Variants in RBFOX1 observed in about 807,000 individuals in gnomAD.
RBFOX1 encodes the protein RNA binding fox-1 homolog 1, also known as RNA binding protein fox-1 homolog 1.
Under a neutral mutation model 57.7 loss-of-function variants are expected in RBFOX1, and 8 were observed. That is an observed-to-expected ratio of 0.14 (90% CI 0.08 to 0.25). The LOEUF (loss-of-function observed/expected upper bound fraction) is 0.25. Among genes scored for constraint, RBFOX1 ranks in the 10% least tolerant of loss-of-function variants. The pLI is 1.00. For synonymous variants in RBFOX1, 326 were observed against 222.4 expected (o/e 1.47, Z -4.15); for missense variants, 611 against 548.5 (o/e 1.11, Z -1.14).
chr16:7,239,633 T>C (rs2093953546), intron 4 of RBFOX1, among the ~76,000 whole-genome samples: 1 of 152,194 alleles, frequency 6.6e-6, no homozygotes, highest in Non-Finnish European at 1.5e-5. Context: ...GAGGCTTTAT[T>C]GCCCCCTGAT....
intron 4 of RBFOX1, among the ~76,000 whole-genome samples, chr16:7,351,835 A>C (rs1015418377): frequency 6.6e-6 from 1 of 152,058 alleles, no homozygotes; most frequent in African/African-American, 2.4e-5. Context: ...TCTGCCTCTC[A>C]ATCTTCAGGC....
chr16:6,869,685 GAC>G (rs1221879219), intron 3 of RBFOX1, among the ~76,000 whole-genome samples: 2 of 152,252 alleles, frequency 1.3e-5, no homozygotes, highest in African/African-American at 2.4e-5. Context: ...CAAATTCTAG[GAC>G]ACACATTCAT....
At chr16:7,668,913 A>T (rs529547855) in intron 13 of RBFOX1, among the ~76,000 whole-genome samples, 1 of 152,146 alleles carries the variant, frequency 6.6e-6, no homozygotes, top group East Asian at 1.9e-4. Context: ...GAAGCTATAG[A>T]TGTTTTTTGA....
At chr16:6,887,485 T>C (rs1304067002) in intron 3 of RBFOX1, among the ~76,000 whole-genome samples, 1 of 152,176 alleles carries the variant, frequency 6.6e-6, no homozygotes, top group Non-Finnish European at 1.5e-5. Flanking sequence ...TCTGGCTTTT[T>C]CTATCCCTGG....
chr16:7,346,301 A>G (rs115206574), intron 4 of RBFOX1, among the ~76,000 whole-genome samples: 7 of 151,780 alleles, frequency 4.6e-5, no homozygotes, highest in African/African-American at 1.7e-4. Context: ...TGTGTCAGCA[A>G]CGAGACGTCT....
chr16:6,445,383 T>C (rs1339728357), intron 2 of RBFOX1, among the ~76,000 whole-genome samples: 2 of 152,056 alleles, frequency 1.3e-5, no homozygotes, highest in African/African-American at 2.4e-5. Flanking sequence ...ACTATTGCCT[T>C]TATGCATCTA....
At chr16:6,175,667 T>C (rs765246196) in intron 1 of RBFOX1, among the ~76,000 whole-genome samples, 1 of 152,140 alleles carries the variant, frequency 6.6e-6, no homozygotes, top group Non-Finnish European at 1.5e-5. Context: ...GAGTAAAATA[T>C]AGATTTGGAT....
At chr16:7,336,995 C>G (rs1268410751) in intron 4 of RBFOX1, among the ~76,000 whole-genome samples, 1 of 152,166 alleles carries the variant, frequency 6.6e-6, no homozygotes. Flanking sequence ...TTTACATAAT[C>G]AGCATTTCCA....
At chr16:6,160,611 C>G (rs189862024) in intron 1 of RBFOX1, among the ~76,000 whole-genome samples, 2 of 152,170 alleles carry the variant, frequency 1.3e-5, no homozygotes, top group Non-Finnish European at 1.5e-5. Context: ...CACGCATCTT[C>G]TCCTGTCTGT....
In RBFOX1 at chr16:5,806,991, C is replaced by A. The variant is rs574683546; in HGVS notation, c.319-60312C>A. Among the ~76,000 whole-genome samples the A allele has an allele frequency of 2.6e-5, 4 of 152,134 alleles. No individual in the cohort carries two copies. The South Asian group carries it at 6.2e-4, about 24-fold the overall frequency. ...AGTTAGAAAAATGTCTTGCCATGGC[C>A]TGGGGGAGAAGCTAGAGCTACCCCC... On this transcript the variant is annotated intron_variant, in intron 3 of 19. Coordinates refer to the RBFOX1 transcript ENST00000641259.
At chr16:7,109,968 G>T (rs1403207460) in intron 4 of RBFOX1, among the ~76,000 whole-genome samples, 1 of 152,064 alleles carries the variant, frequency 6.6e-6, no homozygotes, top group Non-Finnish European at 1.5e-5. Context: ...GGTTATTAAG[G>T]ACACTGCAGA....
chr16:7,034,542 G>A (rs2043726796), intron 3 of RBFOX1, among the ~76,000 whole-genome samples: 1 of 152,118 alleles, frequency 6.6e-6, no homozygotes, highest in Non-Finnish European at 1.5e-5. Context: ...GGGAAGAGGG[G>A]ATGAGGCTGC....
intron 3 of RBFOX1, among the ~76,000 whole-genome samples, chr16:6,869,738 C>A (rs369345846): frequency 6.6e-6 from 1 of 152,158 alleles, no homozygotes. Flanking sequence ...ACCGTGTTGA[C>A]TGATTGGAAA....
intron 3 of RBFOX1, among the ~76,000 whole-genome samples, chr16:6,832,788 AG>A: frequency 6.6e-6 from 1 of 151,926 alleles, no homozygotes; most frequent in African/African-American, 2.4e-5. Context: ...TTGTGCTCCT[AG>A]GTGAGCAGCC....
intron 4 of RBFOX1, among the ~76,000 whole-genome samples, chr16:7,491,145 C>A (rs116067349): frequency 0.022 from 3,345 of 152,186 alleles, 117 homozygotes; most frequent in African/African-American, 0.073. Flanking sequence ...CTAAGATATT[C>A]AAATCATGAG....
At chr16:6,815,114 A>G (rs2089774606) in intron 3 of RBFOX1, among the ~76,000 whole-genome samples, 1 of 152,166 alleles carries the variant, frequency 6.6e-6, no homozygotes, top group Non-Finnish European at 1.5e-5. Context: ...TTCCGACCAT[A>G]TAGCGTAACT....
chr16:6,292,299 A>C (rs2077551260), intron 1 of RBFOX1, among the ~76,000 whole-genome samples: 1 of 152,018 alleles, frequency 6.6e-6, no homozygotes, highest in South Asian at 2.1e-4. Flanking sequence ...TTTTCCAATA[A>C]AGTCCCACAT....
intron 3 of RBFOX1, among the ~76,000 whole-genome samples, chr16:6,673,723 C>T (rs1343497318): frequency 6.6e-6 from 1 of 152,136 alleles, no homozygotes. Context: ...AGAGAAGAGG[C>T]TATGGACAAA....
intron 1 of RBFOX1, among the ~76,000 whole-genome samples, chr16:6,251,045 G>A (rs990886429): frequency 1.3e-5 from 2 of 152,088 alleles, no homozygotes; most frequent in African/African-American, 2.4e-5. Flanking sequence ...CAATGGAAGC[G>A]GTGAAGTTTG....
Sources: allele counts gnomAD v4.1 joint callset (sites outside exome capture counted in the v4.1 genomes callset), GRCh38; gene constraint gnomAD v4.1.1; transcripts MANE v1.5; gene names NCBI Gene and HGNC (gene_info 2026-07-23, HGNC 2026-07-21).